The following MCM9 variants were observed in gnomAD, a reference collection of about 807,000 sequenced individuals.
MCM9 encodes minichromosome maintenance 9 homologous recombination repair factor.
In MCM9, 55 loss-of-function variants were observed where a neutral mutation model predicts 72.8. That is an observed-to-expected ratio of 0.76 (90% CI 0.61 to 0.95). The LOEUF (loss-of-function observed/expected upper bound fraction) is 0.95. Ranked by LOEUF, MCM9 falls within the 40% of genes least tolerant of loss-of-function variation. The probability of loss-of-function intolerance (pLI) is 0.00; values close to 1 mark genes in which losing one functional copy is unlikely to be tolerated. For synonymous variants in MCM9, 480 were observed against 503.4 expected (o/e 0.95, Z 0.62); for missense variants, 1,279 against 1,377.0 (o/e 0.93, Z 1.13).
chr6:118,922,109 T>C (rs1420656673), intron 4 of MCM9, 23 bp from the exon 5 acceptor site: 3 of 1,572,092 alleles, frequency 1.9e-6, no homozygotes, highest in East Asian at 4.5e-5. Context: ...AGAAAACAGA[T>C]TCTGAGTATG....
In MCM9 at chr6:118,856,353, T is replaced by C. The variant is rs907209750; in HGVS notation, c.1325+18A>G. ...TAAATAATCTCATTATTCCCATAGA[T>C]TTTAAAGAAACTCTTACCCAGCCTT... On this transcript the variant is annotated intron_variant, in intron 9 of 13. Coordinates refer to ENST00000619706, the MANE Select transcript of MCM9 (RefSeq NM_017696.3). 2.6e-6 allele frequency: 4 copies of C among 1,524,390 alleles called. No homozygotes were observed. Among genetic ancestry groups the C allele is most frequent in the Non-Finnish European group, 3.5e-6 (4 of 1,142,980 alleles). 94.4% of individuals were successfully genotyped at this position (1,524,390 alleles called of 1,614,324 possible).
intron 4 of MCM9, among the ~76,000 whole-genome samples, chr6:118,923,029 CAAAAA>C (rs780562520): frequency 1.2e-3 from 51 of 43,514 alleles, no homozygotes; most frequent in African/African-American, 3.6e-3. Flanking sequence ...AACTCCATCT[CAAAAA>C]AAAAAAAAAA....
In MCM9 at chr6:118,826,295, G is replaced by C. The variant is rs1774162210; in HGVS notation, c.1816-3C>G. 2 of 1,548,284 alleles carry C rather than the reference G, an allele frequency of 1.3e-6. No individual in the cohort carries two copies. The highest frequency in any genetic ancestry group is 1.7e-6 in the Non-Finnish European group (2 of 1,145,988). On this transcript the variant is annotated splice_polypyrimidine_tract_variant and splice_region_variant and intron_variant, in intron 12 of 13. Transcript: ENST00000619706. ...ACACCTCCTAGCAGTGCACCTCCCT[G>C]AAGGGGTGAGAAAATACCAGGAGAG...
At chr6:118,906,755 T>G (rs753208674) in intron 8 of MCM9, among the ~76,000 whole-genome samples, 17 of 152,216 alleles carry the variant, frequency 1.1e-4, no homozygotes, top group Non-Finnish European at 2.1e-4. Flanking sequence ...TATAACAGTT[T>G]GGTAACTGGT....
chr6:118,880,629 T>C (rs981938311), intron 8 of MCM9, among the ~76,000 whole-genome samples: 1 of 152,216 alleles, frequency 6.6e-6, no homozygotes, highest in Non-Finnish European at 1.5e-5. Context: ...TCTTTGTCTC[T>C]GTCTTATGAG....
chr6:118,925,149 C>T (rs1399992692), intron 3 of MCM9, among the ~76,000 whole-genome samples: 1 of 151,960 alleles, frequency 6.6e-6, no homozygotes, highest in Non-Finnish European at 1.5e-5. Context: ...TGTGGAAATT[C>T]CCTTTTTCTC....
intron 3 of MCM9, among the ~76,000 whole-genome samples, chr6:118,931,173 GAA>G (rs1378389984): frequency 1.3e-5 from 2 of 152,072 alleles, no homozygotes; most frequent in Non-Finnish European, 2.9e-5. Context: ...CACAGACGTG[GAA>G]ATATATAGAC....
intron 8 of MCM9, among the ~76,000 whole-genome samples, chr6:118,896,637 T>C (rs1779437139): frequency 6.6e-6 from 1 of 152,146 alleles, no homozygotes; most frequent in Non-Finnish European, 1.5e-5. Flanking sequence ...TGAGCATTTA[T>C]TTAGTATTTT....
At chr6:118,897,746 C>G (rs140493293) in intron 8 of MCM9, among the ~76,000 whole-genome samples, 46 of 151,902 alleles carry the variant, frequency 3.0e-4, no homozygotes, top group Non-Finnish European at 5.6e-4. Flanking sequence ...ATTTCTTCAC[C>G]TGAGAACTTA....
At chr6:118,829,947 T>C (rs1217511988) in intron 9 of MCM9, among the ~76,000 whole-genome samples, 4 of 151,880 alleles carry the variant, frequency 2.6e-5, no homozygotes, top group African/African-American at 4.8e-5. Flanking sequence ...TGAGGAGCCA[T>C]TGTGAAGGGA....
At position 118,913,421 on chromosome 6, in the gene MCM9, C is replaced by T; in HGVS notation, c.905-1G>A. On this transcript the variant is annotated splice_acceptor_variant, in intron 6 of 13. Transcript: ENST00000619706. LOFTEE classifies it high-confidence loss of function. ...AAGCTAGCCAATATTACATTCCTTCCTAGGAAAAGCAGAAAGATCAGAAAT... is the reference window on the plus strand; with the variant it reads ...AAGCTAGCCAATATTACATTCCTTCTTAGGAAAAGCAGAAAGATCAGAAAT... The T allele has an allele frequency of 6.2e-7, 1 of 1,611,344 alleles. No individual in the cohort carries two copies. The highest frequency in any genetic ancestry group is 8.5e-7 in the Non-Finnish European group (1 of 1,179,244).
chr6:118,924,255 TAAGA>T, intron 3 of MCM9, 128 bp from the exon 4 acceptor site: 1 of 840,782 alleles, frequency 1.2e-6, no homozygotes, highest in Non-Finnish European at 1.8e-6. Context: ...TGTGTTTTAC[TAAGA>T]AAAAATCAGA....
intron 8 of MCM9, among the ~76,000 whole-genome samples, chr6:118,891,615 G>C (rs1778947865): frequency 6.6e-6 from 1 of 152,116 alleles, no homozygotes; most frequent in Non-Finnish European, 1.5e-5. Context: ...GAGGACGCCA[G>C]CTAGATTAGA....
At chr6:118,828,947 T>C in intron 10 of MCM9, 101 bp downstream of exon 10, 2 of 1,199,138 alleles carry the variant, frequency 1.7e-6, no homozygotes. Flanking sequence ...TGGTACTACA[T>C]AGCCTATCTT....
At chr6:118,898,273 T>C (rs954797854) in intron 8 of MCM9, among the ~76,000 whole-genome samples, 3 of 152,214 alleles carry the variant, frequency 2.0e-5, no homozygotes, top group Non-Finnish European at 4.4e-5. Flanking sequence ...GCCCAGTATA[T>C]AGTAGGTATT....
chr6:118,818,744 T>C (rs996262175), intron 13 of MCM9, among the ~76,000 whole-genome samples: 2 of 152,242 alleles, frequency 1.3e-5, no homozygotes, highest in African/African-American at 4.8e-5. Context: ...ACAATATTGA[T>C]TCACCCTATC....
In MCM9 at chr6:118,815,460, G is replaced by T. The variant is rs746164895; in HGVS notation, c.2796C>A (p.Ile932=). 4 of 1,549,942 alleles carry T rather than the reference G, an allele frequency of 2.6e-6. No individual in the cohort carries two copies. The South Asian group carries it at 4.8e-5, about 18-fold the overall frequency. The change falls in exon 14 of 14, where the codon ATC becomes ATA. Residue 932 remains isoleucine (I), a synonymous_variant. Coordinates refer to ENST00000619706, the MANE Select transcript of MCM9 (RefSeq NM_017696.3). ...KFTFKQKSKL[I]HSFEDHSHVS... is the part of the protein sequence containing the mutation. ...CATGGCTGTGATCTTCAAAGGAGTGGATCAGTTTTGACTTCTGCTTGAAAG... is the reference window on the plus strand; with the variant it reads ...CATGGCTGTGATCTTCAAAGGAGTGTATCAGTTTTGACTTCTGCTTGAAAG...
chr6:118,911,369 G>A, intron 8 of MCM9: 1 of 1,124,664 alleles, frequency 8.9e-7, no homozygotes, highest in Non-Finnish European at 1.1e-6. Context: ...TAAAATGCCA[G>A]ATGATACGGA....
intron 13 of MCM9, among the ~76,000 whole-genome samples, chr6:118,825,086 T>C (rs994047882): frequency 3.3e-5 from 5 of 152,194 alleles, no homozygotes; most frequent in Admixed American, 1.3e-4. Context: ...ATCCAGCATA[T>C]GTCAGTTTCT....
Sources: gnomAD v4.1 joint callset for allele counts (sites outside exome capture counted in the v4.1 genomes callset) on GRCh38, gnomAD v4.1.1 for gene constraint, MANE v1.5 for transcripts, NCBI Gene and HGNC (gene_info 2026-07-23, HGNC 2026-07-21) for gene names.